The following ERBB4 variants were observed in gnomAD, a reference collection of about 807,000 sequenced individuals.
ERBB4 encodes the protein erb-b2 receptor tyrosine kinase 4.
ERBB4 carries 42 observed loss-of-function variants against 158.0 expected under a neutral mutation model. The ratio of observed to expected loss-of-function variants is 0.27; its 90% CI spans 0.21 to 0.34. The LOEUF is 0.34. ERBB4 is among the 10% of genes least tolerant of loss of function. ERBB4 has a pLI of 1.00. For synonymous variants in ERBB4, 583 were observed against 558.7 expected (o/e 1.04, Z -0.61); for missense variants, 1,333 against 1,624.1 (o/e 0.82, Z 3.08).
At chr2:212,285,383 G>C (rs1344584650) in intron 1 of ERBB4, among the ~76,000 whole-genome samples, 1 of 92,240 alleles carries the variant, frequency 1.1e-5, no homozygotes, top group African/African-American at 4.6e-5. Flanking sequence ...TGCTGAAGGG[G>C]ACTGTGATTT....
intron 4 of ERBB4, among the ~76,000 whole-genome samples, chr2:211,771,636 G>T (rs2075694308): frequency 6.6e-6 from 1 of 152,136 alleles, no homozygotes; most frequent in Admixed American, 6.5e-5. Context: ...AGAGTCAAAT[G>T]CTTTTTCTTT....
chr2:211,799,936 G>T (rs1488665971), intron 3 of ERBB4, among the ~76,000 whole-genome samples: 1 of 152,098 alleles, frequency 6.6e-6, no homozygotes, highest in Non-Finnish European at 1.5e-5. Context: ...TCATGGGTTT[G>T]TGCATTTGCT....
chr2:212,385,552 T>C (rs2106423350), intron 1 of ERBB4, among the ~76,000 whole-genome samples: 1 of 152,020 alleles, frequency 6.6e-6, no homozygotes, highest in East Asian at 1.9e-4. Flanking sequence ...AAACCTAGTT[T>C]ATTTTCAAAA....
At position 212,206,240 on chromosome 2, in the gene ERBB4, C is replaced by G. The variant is rs374353415; in HGVS notation, c.83-81337G>C. Among the ~76,000 whole-genome samples, 7 of 152,074 alleles carry G rather than the reference C, an allele frequency of 4.6e-5. No individual in the cohort carries two copies. In the South Asian group the frequency reaches 1.4e-3, roughly 31 times the overall value. The stretch of plus-strand genomic sequence containing the variant: ...CCCCTAGCACAGGATCTGACACAAG[C>G]TGGGGAGGGTGCTACTTAGAGGCAG... On this transcript the variant is annotated intron_variant, in intron 1 of 27. Transcript: ENST00000342788.
chr2:211,414,520 A>C (rs1300078450), intron 25 of ERBB4, among the ~76,000 whole-genome samples: 1 of 146,998 alleles, frequency 6.8e-6, no homozygotes, highest in Non-Finnish European at 1.5e-5. Flanking sequence ...AAAAAAAAAA[A>C]AAAGAAAAGA....
At chr2:212,176,343 T>C (rs2081662520) in intron 1 of ERBB4, among the ~76,000 whole-genome samples, 1 of 151,814 alleles carries the variant, frequency 6.6e-6, no homozygotes, top group Non-Finnish European at 1.5e-5. Flanking sequence ...TTAGATGAGG[T>C]AATGAGGGTG....
intron 4 of ERBB4, among the ~76,000 whole-genome samples, chr2:211,753,747 A>G (rs754192074): frequency 9.5e-5 from 14 of 146,940 alleles, no homozygotes; most frequent in Non-Finnish European, 1.8e-4. Flanking sequence ...ATATATATAT[A>G]TTTAATATAT....
chr2:212,226,399 T>C (rs1189204057), intron 1 of ERBB4, among the ~76,000 whole-genome samples: 2 of 106,876 alleles, frequency 1.9e-5, no homozygotes, highest in South Asian at 2.7e-4. Context: ...GGAATTGACA[T>C]AGTAAAGACA....
chr2:212,185,640 G>A (rs2081995016), intron 1 of ERBB4, among the ~76,000 whole-genome samples: 1 of 151,930 alleles, frequency 6.6e-6, no homozygotes, highest in Non-Finnish European at 1.5e-5. Context: ...AAATTCCTGG[G>A]AATATAGGAC....
intron 20 of ERBB4, among the ~76,000 whole-genome samples, chr2:211,520,039 C>T (rs549904214): frequency 3.2e-3 from 489 of 152,260 alleles, no homozygotes; most frequent in African/African-American, 0.011. Flanking sequence ...CAGGTCACAC[C>T]TACTCTTCTA....
At chr2:211,934,932 A>AAAAAAAAAAAAAAAAAAAAAAAAC (rs1307597745) in intron 3 of ERBB4, among the ~76,000 whole-genome samples, 1 of 149,368 alleles carries the variant, frequency 6.7e-6, no homozygotes, top group African/African-American at 2.4e-5. Flanking sequence ...CAGCTAAAAA[A>AAAAAAAAAAAAAAAAAAAAAAAAC]AAAAAAAAAC....
chr2:211,629,889 A>C (rs1292995134), intron 17 of ERBB4, among the ~76,000 whole-genome samples: 1 of 152,230 alleles, frequency 6.6e-6, no homozygotes, highest in Non-Finnish European at 1.5e-5. Context: ...CTTATACAAA[A>C]ATTAATTCAA....
intron 12 of ERBB4, among the ~76,000 whole-genome samples, chr2:211,681,642 T>G (rs1476635103): frequency 6.6e-6 from 1 of 152,182 alleles, no homozygotes; most frequent in Non-Finnish European, 1.5e-5. Context: ...TTTTAATGTG[T>G]TTATTTTTAC....
rs2073271877 is a variant in ERBB4, at chr2:211,702,002, A to G, written c.1454T>C (p.Ile485Thr). The change falls in exon 12 of 28, where the codon ATA becomes ACA. Residue 485 changes from isoleucine (I) to threonine (T), a missense_variant. Ile to Thr is a moderately conservative substitution (Grantham distance 89). Around this residue, in one of 5 missense-constraint regions of ERBB4, gnomAD observed 245 missense variants for 247.5 expected, o/e 0.99. Transcript: ENST00000342788. ...TTLFSTINQR[I>T]VIRDNRKAEN... is the part of the protein sequence containing the mutation. ...AGCTTTTCTGTTGTCCCGGATTACTATTCTCTGGTTGATTGTGCTGAAGAG... is the reference window on the plus strand; with the variant it reads ...AGCTTTTCTGTTGTCCCGGATTACTGTTCTCTGGTTGATTGTGCTGAAGAG... The G allele has an allele frequency of 6.2e-7, 1 of 1,614,014 alleles. No homozygotes were observed. The highest frequency in any genetic ancestry group is 8.5e-7 in the Non-Finnish European group (1 of 1,179,910).
chr2:211,680,372 T>C, intron 12 of ERBB4, among the ~76,000 whole-genome samples: 1 of 152,188 alleles, frequency 6.6e-6, no homozygotes, highest in East Asian at 1.9e-4. Context: ...CTGAAAGTGA[T>C]TTGAGGTATT....
intron 2 of ERBB4, among the ~76,000 whole-genome samples, chr2:212,038,657 T>G (rs1017314236): frequency 7.9e-5 from 12 of 152,174 alleles, no homozygotes; most frequent in Admixed American, 6.5e-5. Context: ...TGTTAAAGCT[T>G]CTTCTTCTTT....
At chr2:211,808,506 T>TACCAGCATTTGGTA (rs2076672051) in intron 3 of ERBB4, among the ~76,000 whole-genome samples, 1 of 152,198 alleles carries the variant, frequency 6.6e-6, no homozygotes, top group Non-Finnish European at 1.5e-5. Context: ...TTGGTACCAG[T>TACCAGCATTTGGTA]ACAATGCTGT....
intron 20 of ERBB4, among the ~76,000 whole-genome samples, chr2:211,550,795 T>C (rs1162763125): frequency 6.7e-6 from 1 of 150,086 alleles, no homozygotes; most frequent in South Asian, 2.1e-4. Context: ...CTTAATATGA[T>C]TTCTAAATTA....
chr2:211,842,443 A>G (rs866142965), intron 3 of ERBB4, among the ~76,000 whole-genome samples: 39 of 151,726 alleles, frequency 2.6e-4, no homozygotes, highest in African/African-American at 8.5e-4. Context: ...TCTTTTCTGG[A>G]AAATGTATTT....
Sources: allele counts gnomAD v4.1 joint callset (sites outside exome capture counted in the v4.1 genomes callset), GRCh38; gene constraint gnomAD v4.1.1; regional missense constraint gnomAD v4.1.1; transcripts MANE v1.5; gene names NCBI Gene and HGNC (gene_info 2026-07-23, HGNC 2026-07-21).